Variants in CD84 observed in about 807,000 individuals in gnomAD.
CD84 encodes the protein CD84 molecule, also known as SLAM family member 5.
Under a neutral mutation model 33.8 loss-of-function variants are expected in CD84, and 22 were observed. The ratio of observed to expected loss-of-function variants is 0.65; its 90% CI spans 0.46 to 0.93. The LOEUF (loss-of-function observed/expected upper bound fraction) is 0.93, where lower values mean the gene tolerates loss of function less well. CD84 is among the 40% of genes least tolerant of loss of function. CD84 has a pLI of 0.00. For missense variants in CD84, 400 were observed against 397.6 expected (o/e 1.01, Z -0.05); for synonymous variants, 154 against 145.2 (o/e 1.06, Z -0.44).
intron 6 of CD84, among the ~76,000 whole-genome samples, chr1:160,549,510 C>A (rs1184996311): frequency 6.6e-6 from 1 of 152,224 alleles, no homozygotes; most frequent in Non-Finnish European, 1.5e-5. Context: ...AGCAAATGAA[C>A]TGAAATTCAG....
intron 1 of CD84, among the ~76,000 whole-genome samples, chr1:160,575,386 G>C (rs1243588154): frequency 6.6e-6 from 1 of 151,970 alleles, no homozygotes; most frequent in Non-Finnish European, 1.5e-5. Context: ...GAGGTTTTAA[G>C]AAAAAGGAAC....
intron 1 of CD84, among the ~76,000 whole-genome samples, chr1:160,576,274 C>T (rs1195838372): frequency 6.6e-6 from 1 of 152,184 alleles, no homozygotes; most frequent in Non-Finnish European, 1.5e-5. Flanking sequence ...TGCTGAAATG[C>T]CCATGACCAT....
chr1:160,565,429 G>A lies in CD84; in HGVS notation c.363C>T (p.Thr121=). ...INTQADPYTT[T]KRYNLQIYRR... is the part of the protein sequence containing the mutation. Reference sequence around the variant, plus strand: ...GATAGATTTGCAGGTTGTAGCGCTTGGTGGTGGTGTAGGGATCAGCCTGTG... The same window carrying A: ...GATAGATTTGCAGGTTGTAGCGCTTAGTGGTGGTGTAGGGATCAGCCTGTG... The change falls in exon 2 of 7, where the codon ACC becomes ACT. Residue 121 remains threonine, a synonymous_variant. Coordinates refer to ENST00000368054, the MANE Select transcript of CD84 (RefSeq NM_003874.4). The A allele has an allele frequency of 6.2e-7, 1 of 1,608,440 alleles. No homozygotes were observed. Among genetic ancestry groups the A allele is most frequent in the Non-Finnish European group, 8.5e-7 (1 of 1,176,932 alleles).
chr1:160,572,097 G>A (rs1424089265), intron 1 of CD84, among the ~76,000 whole-genome samples: 1 of 152,240 alleles, frequency 6.6e-6, no homozygotes, highest in African/African-American at 2.4e-5. Context: ...AGTGAGCATA[G>A]ATTTGAGCCA....
In CD84 at chr1:160,545,563, G is replaced by A. The variant is rs1655782765; in HGVS notation, c.*2693C>T. The stretch of plus-strand genomic sequence containing the variant: ...TTAGTTGGTCTGCCTAACTCTGAAA[G>A]TCTTCTCCCTCCAAAGTGCCTTTAC... On this transcript the variant is annotated 3_prime_UTR_variant, in exon 7 of 7. Transcript: ENST00000368054. The A allele has an allele frequency of 6.6e-6, 1 of 152,142 alleles. No homozygotes were observed. Among genetic ancestry groups the A allele is most frequent in the Non-Finnish European group, 1.5e-5 (1 of 68,042 alleles). 9.4% of individuals were successfully genotyped at this position (152,142 alleles called of 1,614,324 possible). A position where few individuals can be genotyped will look rare whatever the true frequency, so the allele number is the denominator to read the frequency against.
rs918222078 is a variant in CD84 at position 160,577,577 on chromosome 1, C to T, written c.46+1815G>A. ...ACACCTAAGCTCAAACTCCCACCACCTTTTCTCCTGTTTATGTTCCTTGGA... is the reference window on the plus strand; with the variant it reads ...ACACCTAAGCTCAAACTCCCACCACTTTTTCTCCTGTTTATGTTCCTTGGA... On this transcript the variant is annotated intron_variant, in intron 1 of 6. Coordinates refer to ENST00000368054, the MANE Select transcript of CD84 (RefSeq NM_003874.4). Among the ~76,000 whole-genome samples the T allele has an allele frequency of 3.3e-5, 5 of 152,184 alleles. 1 individual carries two copies. The East Asian group carries it at 9.6e-4, about 29-fold the overall frequency.
intron 4 of CD84, chr1:160,552,791 T>A: frequency 7.3e-7 from 1 of 1,364,500 alleles, no homozygotes; most frequent in Non-Finnish European, 1.0e-6. Flanking sequence ...AAGTTCCATG[T>A]TTTTTATTGT....
chr1:160,557,258 G>A (rs1656671264), intron 2 of CD84, among the ~76,000 whole-genome samples: 2 of 152,218 alleles, frequency 1.3e-5, no homozygotes, highest in African/African-American at 4.8e-5. Flanking sequence ...CCGCTATGCT[G>A]TCCATCGGTA....
chr1:160,550,830 T>G, intron 5 of CD84, 108 bp downstream of exon 5: 4 of 1,569,670 alleles, frequency 2.5e-6, no homozygotes, highest in Non-Finnish European at 3.4e-6. Flanking sequence ...CTCTGGACTC[T>G]TGGCCGTGGC....
intron 1 of CD84, among the ~76,000 whole-genome samples, chr1:160,567,644 G>A (rs1389683110): frequency 6.6e-6 from 1 of 152,184 alleles, no homozygotes; most frequent in Non-Finnish European, 1.5e-5. Context: ...GTGGTCACAA[G>A]TGAAAGACAA....
chr1:160,555,571 A>G (rs1471324512), intron 2 of CD84, among the ~76,000 whole-genome samples: 1 of 152,234 alleles, frequency 6.6e-6, no homozygotes, highest in Non-Finnish European at 1.5e-5. Flanking sequence ...GAACAATAAT[A>G]ATTCAAGTGA....
chr1:160,553,773 C>T (rs1024757400), intron 3 of CD84, 122 bp downstream of exon 3: 3 of 1,472,188 alleles, frequency 2.0e-6, no homozygotes, highest in Non-Finnish European at 2.8e-6. Context: ...GTGATGCCCT[C>T]AGTGACCAGG....
chr1:160,577,359 A>G (rs1658042720), intron 1 of CD84, among the ~76,000 whole-genome samples: 1 of 152,216 alleles, frequency 6.6e-6, no homozygotes, highest in Non-Finnish European at 1.5e-5. Flanking sequence ...AATTCATGGT[A>G]TATTTTTGTG....
At chr1:160,557,308 A>G (rs1341067854) in intron 2 of CD84, among the ~76,000 whole-genome samples, 4 of 152,244 alleles carry the variant, frequency 2.6e-5, no homozygotes, top group Admixed American at 6.5e-5. Context: ...TCGAACATTC[A>G]CAATTGCTAA....
intron 4 of CD84, chr1:160,551,425 C>A (rs1365845237): frequency 8.6e-6 from 2 of 231,474 alleles, no homozygotes; most frequent in Non-Finnish European, 1.7e-5. Flanking sequence ...TTGATTCTTT[C>A]TAGTTATATA....
chr1:160,555,398 A>T lies in CD84; in HGVS notation c.389-1252T>A, dbSNP rs1025157213. 5.9e-5 allele frequency among the ~76,000 whole-genome samples: 9 copies of T among 151,818 alleles called. No individual in the cohort carries two copies. In the East Asian group the frequency reaches 1.5e-3, roughly 26 times the overall value. ...GCACCCAGCCAAAATAATCTTTAAA[A>T]TTTTTTTTCATTCTGTTTTCTGGTG... On this transcript the variant is annotated intron_variant, in intron 2 of 6. Transcript: ENST00000368054.
chr1:160,568,389 G>C (rs1420754177), intron 1 of CD84, among the ~76,000 whole-genome samples: 1 of 152,122 alleles, frequency 6.6e-6, no homozygotes, highest in African/African-American at 2.4e-5. Context: ...GCTGTTATTT[G>C]TGCTGCTGGT....
At chr1:160,551,214 C>T (rs1205321005) in intron 4 of CD84, 179 bp from the exon 5 acceptor site, 3 of 596,412 alleles carry the variant, frequency 5.0e-6, no homozygotes, top group East Asian at 5.9e-5. Flanking sequence ...TGGCTGAGGC[C>T]TCACCCACAG....
At chr1:160,571,464 C>T (rs968399899) in intron 1 of CD84, 9 of 151,964 alleles carry the variant, frequency 5.9e-5, no homozygotes, top group East Asian at 5.8e-4. Flanking sequence ...TGGGTTTGCC[C>T]GTTACGAGGT....
Sources: allele counts gnomAD v4.1 joint callset (sites outside exome capture counted in the v4.1 genomes callset), GRCh38; gene constraint gnomAD v4.1.1; transcripts MANE v1.5; gene names NCBI Gene and HGNC (gene_info 2026-07-23, HGNC 2026-07-21).